Variants in FCHSD2 observed in about 807,000 individuals in gnomAD.
FCHSD2 encodes F-BAR and double SH3 domains protein 2.
In FCHSD2, 38 loss-of-function variants were observed where a neutral mutation model predicts 108.1. The ratio of observed to expected loss-of-function variants is 0.35; its 90% CI spans 0.27 to 0.46. FCHSD2 has a LOEUF of 0.46. FCHSD2 is among the 20% of genes least tolerant of loss of function. The pLI, the probability that FCHSD2 is intolerant of heterozygous loss-of-function variation, is 1.00. For missense variants in FCHSD2, 751 were observed against 897.8 expected (o/e 0.84, Z 2.09); for synonymous variants, 279 against 314.7 (o/e 0.89, Z 1.20).
At chr11:73,068,837 AAG>A (rs1491299325) in intron 3 of FCHSD2, among the ~76,000 whole-genome samples, 3 of 150,590 alleles carry the variant, frequency 2.0e-5, no homozygotes, top group Non-Finnish European at 3.0e-5. Context: ...AAAAAAGAAA[AAG>A]AAAAAAAAAT....
At position 72,958,993 on chromosome 11, in the gene FCHSD2, ATGTGTGTG is replaced by A. The variant is rs59339008; in HGVS notation, c.705+25087_705+25094del. ...TATTACATATACTCATCAGTAAGAT[ATGTGTGTG>A]TGTGTGTGTGTGTGTGTGTGTGTGT... On this transcript the variant is annotated intron_variant, in intron 8 of 19. Coordinates refer to ENST00000409418, the MANE Select transcript of FCHSD2 (RefSeq NM_014824.3). Among the ~76,000 whole-genome samples, 70 of 114,876 alleles carry A rather than the reference ATGTGTGTG, an allele frequency of 6.1e-4. 1 individual carries two copies. In the East Asian group the frequency reaches 0.014, roughly 22 times the overall value. The allele number at this position is 114,876 out of a possible 152,430, so 75.4% of individuals were successfully genotyped here.
At chr11:72,905,960 G>C (rs1855621111) in intron 9 of FCHSD2, among the ~76,000 whole-genome samples, 1 of 152,180 alleles carries the variant, frequency 6.6e-6, no homozygotes, top group Non-Finnish European at 1.5e-5. Flanking sequence ...ACCCAGTAAT[G>C]GGATTGCTGG....
chr11:72,843,135 T>C lies in FCHSD2; in HGVS notation c.1705+16A>G. On this transcript the variant is annotated intron_variant, in intron 16 of 19. Transcript: ENST00000409418. Reference sequence around the variant, plus strand: ...CAAACGTGACCAAATAAAGAGTGCCTTGTTTCAGTCTTTACCACTGGCATC... The same window carrying C: ...CAAACGTGACCAAATAAAGAGTGCCCTGTTTCAGTCTTTACCACTGGCATC... 1 of 1,613,284 alleles carries C rather than the reference T, an allele frequency of 6.2e-7. No individual in the cohort carries two copies.
At chr11:73,030,598 G>A (rs1858336271) in intron 3 of FCHSD2, among the ~76,000 whole-genome samples, 1 of 151,810 alleles carries the variant, frequency 6.6e-6, no homozygotes, top group African/African-American at 2.4e-5. Context: ...AGATGGTGGT[G>A]GTCAATACTT....
chr11:72,863,104 T>A (rs559314663), intron 13 of FCHSD2, among the ~76,000 whole-genome samples: 31 of 152,194 alleles, frequency 2.0e-4, no homozygotes, highest in Middle Eastern at 3.4e-3. Flanking sequence ...AATTTTTTTT[T>A]TTCTTTTTTT....
chr11:73,089,199 G>A (rs1859895664), intron 2 of FCHSD2, among the ~76,000 whole-genome samples: 1 of 152,156 alleles, frequency 6.6e-6, no homozygotes, highest in Admixed American at 6.5e-5. Flanking sequence ...CATGTAAGAT[G>A]AAAAGGCATT....
chr11:72,984,458 G>A (rs955056223), intron 7 of FCHSD2, among the ~76,000 whole-genome samples: 2 of 152,162 alleles, frequency 1.3e-5, no homozygotes, highest in Non-Finnish European at 2.9e-5. Context: ...CTAAAGCTTT[G>A]TAGATAACTT....
Position 73,086,263 on chromosome 11 carries a change from G to T in FCHSD2, c.120-2523C>A, listed in dbSNP as rs201952781. Among the ~76,000 whole-genome samples, 4 of 152,156 alleles carry T rather than the reference G, an allele frequency of 2.6e-5. No individual in the cohort carries two copies. In the East Asian group the frequency reaches 7.7e-4, roughly 29 times the overall value. ...GTCTCTACTAAAAATACAAAAATTA[G>T]CTGGGCGTGGTGGTGCGTGCCTGTG... is the stretch of plus-strand genomic sequence containing the variant. On this transcript the variant is annotated intron_variant, in intron 2 of 19. Transcript: ENST00000409418.
chr11:72,900,466 A>G, intron 10 of FCHSD2: 1 of 619,260 alleles, frequency 1.6e-6, no homozygotes, highest in Admixed American at 2.8e-5. Flanking sequence ...GGGCTGGGAA[A>G]AAGTGAGATG....
chr11:72,919,264 C>T (rs866949271), intron 9 of FCHSD2, among the ~76,000 whole-genome samples: 2 of 152,214 alleles, frequency 1.3e-5, no homozygotes, highest in South Asian at 4.2e-4. Flanking sequence ...AACAAAAGGG[C>T]ACTACATTAT....
In FCHSD2 at chr11:73,016,936, A is replaced by G. The variant is rs189526697; in HGVS notation, c.166-1051T>C. On this transcript the variant is annotated intron_variant, in intron 3 of 19. Coordinates refer to ENST00000409418, the MANE Select transcript of FCHSD2 (RefSeq NM_014824.3). The stretch of plus-strand genomic sequence containing the variant: ...GTTAAGAATTGATTTTAAACTGCTC[A>G]TTCCAATTATACAATGTATTATGTT... Among the ~76,000 whole-genome samples the G allele has an allele frequency of 8.5e-4, 130 of 152,302 alleles. 1 individual carries two copies. The highest frequency in any genetic ancestry group is 6.2e-3 in the South Asian group (30 of 4,828).
intron 3 of FCHSD2, among the ~76,000 whole-genome samples, chr11:73,049,387 A>T (rs1263462827): frequency 3.3e-5 from 5 of 152,146 alleles, no homozygotes; most frequent in African/African-American, 1.2e-4. Context: ...GATAGGTAAA[A>T]GGTTTAAAAC....
intron 8 of FCHSD2, chr11:72,941,094 G>A: frequency 1.8e-6 from 1 of 556,936 alleles, no homozygotes; most frequent in Non-Finnish European, 3.2e-6. Context: ...AAACTCTCCA[G>A]TTCCACTGTT....
At chr11:72,957,794 T>C (rs1440090909) in intron 8 of FCHSD2, among the ~76,000 whole-genome samples, 2 of 151,984 alleles carry the variant, frequency 1.3e-5, no homozygotes, top group East Asian at 3.9e-4. Context: ...AAAAGAATAA[T>C]GATAATGGAT....
At chr11:73,078,973 C>G (rs1289851601) in intron 3 of FCHSD2, among the ~76,000 whole-genome samples, 1 of 152,078 alleles carries the variant, frequency 6.6e-6, no homozygotes, top group African/African-American at 2.4e-5. Flanking sequence ...TATGATCTGG[C>G]CTCACCAAGT....
At chr11:72,858,658 T>A (rs1324720459) in intron 13 of FCHSD2, among the ~76,000 whole-genome samples, 4 of 152,178 alleles carry the variant, frequency 2.6e-5, no homozygotes, top group Non-Finnish European at 4.4e-5. Context: ...GAAAAATAAC[T>A]AATGGGTATG....
intron 3 of FCHSD2, among the ~76,000 whole-genome samples, chr11:73,047,895 GAGTT>G (rs1002594081): frequency 8.5e-4 from 129 of 152,300 alleles, no homozygotes; most frequent in African/African-American, 3.0e-3. Context: ...CAACAACTGT[GAGTT>G]ATTTATTAAT....
chr11:73,112,662 T>C (rs1860514113), intron 2 of FCHSD2, among the ~76,000 whole-genome samples: 1 of 152,178 alleles, frequency 6.6e-6, no homozygotes, highest in Admixed American at 6.5e-5. Flanking sequence ...GGTGTTGGTG[T>C]TGTTGAGACG....
chr11:73,091,806 G>A (rs1196252342), intron 2 of FCHSD2, among the ~76,000 whole-genome samples: 6 of 151,894 alleles, frequency 4.0e-5, no homozygotes, highest in African/African-American at 1.5e-4. Context: ...TTGGGAGGCC[G>A]AGGCAGGTGG....
Sources: allele counts gnomAD v4.1 joint callset (sites outside exome capture counted in the v4.1 genomes callset), GRCh38; gene constraint gnomAD v4.1.1; transcripts MANE v1.5; gene names NCBI Gene and HGNC (gene_info 2026-07-23, HGNC 2026-07-21).